The following PHF24 variants were observed in gnomAD, a reference collection of about 807,000 sequenced individuals.
PHF24 encodes PHD finger protein 24, also known as Galpha inhibitory interacting protein.
In PHF24, 25 loss-of-function variants were observed where a neutral mutation model predicts 42.6. The observed-to-expected ratio is 0.59, with a 90% confidence interval of 0.43 to 0.82. The LOEUF is 0.82. Ranked by LOEUF, PHF24 falls within the 40% of genes least tolerant of loss-of-function variation. PHF24 has a pLI of 0.00. For missense variants in PHF24, 470 were observed against 538.1 expected (o/e 0.87, Z 1.25); for synonymous variants, 185 against 204.8 (o/e 0.90, Z 0.83).
the PHF24 span, among the ~76,000 whole-genome samples, chr9:34,815,762 A>G: frequency 6.6e-6 from 1 of 152,226 alleles, no homozygotes; most frequent in Non-Finnish European, 1.5e-5. Context: ...CAGGTCTAAA[A>G]AAAGTGAATT....
At chr9:34,665,988 G>C in the PHF24 span, 55 of 431,332 alleles carry the variant, frequency 1.3e-4, 1 homozygote, top group African/African-American at 8.5e-4. Context: ...CTGGAGGGGG[G>C]GCTGAGAGGG....
the PHF24 span, among the ~76,000 whole-genome samples, chr9:34,886,297 C>T: frequency 6.6e-6 from 1 of 151,772 alleles, no homozygotes; most frequent in Non-Finnish European, 1.5e-5. Context: ...ACTCTCCCCT[C>T]CTTCACCTCT....
chr9:34,936,090 CTCTT>C, the PHF24 span, among the ~76,000 whole-genome samples: 1 of 151,756 alleles, frequency 6.6e-6, no homozygotes, highest in Non-Finnish European at 1.5e-5. Context: ...CCCTCTCCCT[CTCTT>C]TCCACGGTCT....
chr9:34,809,734 C>G, the PHF24 span, among the ~76,000 whole-genome samples: 1 of 152,174 alleles, frequency 6.6e-6, no homozygotes, highest in Non-Finnish European at 1.5e-5. The surrounding 1 kb of genome is among the most constrained non-coding windows in gnomAD (Gnocchi z 4.1). Flanking sequence ...CCCTGCGCCC[C>G]CTCCGGGCGG....
At chr9:34,737,758 G>A in the PHF24 span, among the ~76,000 whole-genome samples, 4 of 152,238 alleles carry the variant, frequency 2.6e-5, no homozygotes, top group East Asian at 7.7e-4. Flanking sequence ...AAAGCCAACT[G>A]AGGCATATTA....
At chr9:34,680,176 ACCAGCCTGG>A in the PHF24 span, among the ~76,000 whole-genome samples, 2 of 152,138 alleles carry the variant, frequency 1.3e-5, no homozygotes, top group African/African-American at 4.8e-5. Context: ...GGAGTTTGAG[ACCAGCCTGG>A]CCAACATGGT....
At chr9:34,867,648 A>G in the PHF24 span, among the ~76,000 whole-genome samples, 37 of 152,242 alleles carry the variant, frequency 2.4e-4, no homozygotes, top group South Asian at 7.7e-3. Flanking sequence ...GTTTTTGTTA[A>G]AAGTCTCAGG....
At chr9:34,690,566 A>T in the PHF24 span, among the ~76,000 whole-genome samples, 1 of 151,762 alleles carries the variant, frequency 6.6e-6, no homozygotes, top group Admixed American at 6.6e-5. Context: ...TCATACTTCT[A>T]AACTGTTTTG....
At chr9:34,920,262 G>A in the PHF24 span, among the ~76,000 whole-genome samples, 2 of 152,154 alleles carry the variant, frequency 1.3e-5, no homozygotes, top group African/African-American at 2.4e-5. Flanking sequence ...ACCAGAATGA[G>A]ATGATACCTC....
chr9:34,743,973 A>G, the PHF24 span, among the ~76,000 whole-genome samples: 4 of 152,160 alleles, frequency 2.6e-5, no homozygotes, highest in Non-Finnish European at 5.9e-5. Context: ...ATCACTTTAT[A>G]ACAACTTACT....
At chr9:34,973,208 T>C (rs533081829) in intron 3 of PHF24, among the ~76,000 whole-genome samples, 2 of 152,280 alleles carry the variant, frequency 1.3e-5, no homozygotes, top group African/African-American at 4.8e-5. Context: ...TCTAATAGTC[T>C]ATAGTTGTCA....
At chr9:34,762,158 C>T in the PHF24 span, among the ~76,000 whole-genome samples, 93 of 152,156 alleles carry the variant, frequency 6.1e-4, no homozygotes, top group Non-Finnish European at 1.0e-3. Flanking sequence ...AATAAACATA[C>T]GTGTGCATGT....
chr9:34,937,512 G>T, the PHF24 span, among the ~76,000 whole-genome samples: 1 of 152,092 alleles, frequency 6.6e-6, no homozygotes, highest in African/African-American at 2.4e-5. Context: ...CAAACACTGC[G>T]GAAGGCCGCA....
the PHF24 span, chr9:34,837,580 G>A: frequency 8.5e-7 from 1 of 1,180,332 alleles, no homozygotes; most frequent in Non-Finnish European, 1.2e-6. Flanking sequence ...CTTGGCTCCA[G>A]GGGTCATAGA....
At chr9:34,900,656 G>A in the PHF24 span, among the ~76,000 whole-genome samples, 1 of 152,114 alleles carries the variant, frequency 6.6e-6, no homozygotes, top group Non-Finnish European at 1.5e-5. Context: ...TAGATGAAAT[G>A]GACTGCTATG....
At chr9:34,894,306 A>G in the PHF24 span, 51 of 395,638 alleles carry the variant, frequency 1.3e-4, no homozygotes, top group African/African-American at 9.0e-4. Context: ...AACTCTCTCA[A>G]CTAGTGAACC....
the PHF24 span, among the ~76,000 whole-genome samples, chr9:34,944,489 G>T: frequency 1.3e-5 from 2 of 152,216 alleles, no homozygotes; most frequent in Non-Finnish European, 2.9e-5. Context: ...AGGGCCAGCT[G>T]TTGCCTTATG....
At chr9:34,673,434 A>T in the PHF24 span, among the ~76,000 whole-genome samples, 1 of 151,712 alleles carries the variant, frequency 6.6e-6, no homozygotes, top group Non-Finnish European at 1.5e-5. Flanking sequence ...AGGGTTGCAG[A>T]TAATCTTCTC....
chr9:34,679,705 C>A, the PHF24 span, among the ~76,000 whole-genome samples: 1 of 152,122 alleles, frequency 6.6e-6, no homozygotes, highest in Admixed American at 6.5e-5. Flanking sequence ...CAGAGCGAGA[C>A]GCCTTCTCAA....
Sources: allele counts gnomAD v4.1 joint callset (sites outside exome capture counted in the v4.1 genomes callset), GRCh38; gene constraint gnomAD v4.1.1; non-coding constraint Gnocchi (gnomAD v3.1); transcripts MANE v1.5; gene names NCBI Gene and HGNC (gene_info 2026-07-23, HGNC 2026-07-21).